Variants in PSEN2 observed in about 807,000 individuals in gnomAD.
PSEN2 encodes the protein presenilin 2.
PSEN2 carries 32 observed loss-of-function variants against 49.1 expected under a neutral mutation model. That is an observed-to-expected ratio of 0.65 (90% confidence interval 0.49 to 0.88). PSEN2 has a LOEUF of 0.88. Ranked by LOEUF, PSEN2 falls within the 40% of genes least tolerant of loss-of-function variation. The pLI, the probability that PSEN2 is intolerant of heterozygous loss-of-function variation, is 0.00. For synonymous variants in PSEN2, 255 were observed against 244.0 expected (o/e 1.05, Z -0.42); for missense variants, 522 against 586.9 (o/e 0.89, Z 1.14).
chr1:226,875,761 G>A (rs776202837), intron 3 of PSEN2, among the ~76,000 whole-genome samples: 1 of 152,174 alleles, frequency 6.6e-6, no homozygotes, highest in African/African-American at 2.4e-5. Context: ...TTTCCATAAT[G>A]ATTGCAGGAA....
chr1:226,883,489 A>G (rs925882998), intron 4 of PSEN2, among the ~76,000 whole-genome samples: 5 of 152,180 alleles, frequency 3.3e-5, no homozygotes, highest in African/African-American at 7.2e-5. Flanking sequence ...GACCATAGCA[A>G]CCTTCCTTCC....
intron 3 of PSEN2, among the ~76,000 whole-genome samples, chr1:226,880,247 T>C (rs778219488): frequency 6.6e-6 from 1 of 152,110 alleles, no homozygotes; most frequent in Non-Finnish European, 1.5e-5. Flanking sequence ...TATGGTGGCG[T>C]GCATCTGCAG....
Position 226,891,825 on chromosome 1 carries a change from G to A in PSEN2, c.1053G>A (p.Glu351=). Residue 351 remains glutamate (E), a synonymous_variant, in exon 11 of 13, where the codon GAG becomes GAA. Coordinates refer to ENST00000366783, the MANE Select transcript of PSEN2 (RefSeq NM_000447.3). ...CCTTGACTGGCTACCCAGGGGAGGA[G>A]CTGGAGGAAGAGGAGGAAAGTAAGG... ...EPPLTGYPGE[E]LEEEEERGVK... is the part of the protein sequence containing the mutation. 1 of 1,614,120 alleles carries A rather than the reference G, an allele frequency of 6.2e-7. No homozygotes were observed. The highest frequency in any genetic ancestry group is 8.5e-7 in the Non-Finnish European group (1 of 1,179,972).
At chr1:226,877,920 C>CACCA (rs1660736120) in intron 3 of PSEN2, among the ~76,000 whole-genome samples, 1 of 152,156 alleles carries the variant, frequency 6.6e-6, no homozygotes, top group East Asian at 1.9e-4. Context: ...CGACAGTGGT[C>CACCA]ACCAGGTCAC....
chr1:226,891,316 C>T lies in PSEN2; in HGVS notation c.925C>T (p.Pro309Ser). ...GACGGTTGGCATGGCGAAGCTGGAC[C>T]CCTCCTCTCAGGGTGCCCTCCAGCT... The part of the protein sequence containing the change: ...VWTVGMAKLD[P>S]SSQGALQLPY... Residue 309 changes from proline to serine, a missense_variant, in exon 10 of 13, where the codon CCC becomes TCC. Pro to Ser is a moderately conservative substitution (Grantham distance 74, BLOSUM62 -1). Coordinates refer to ENST00000366783, the MANE Select transcript of PSEN2 (RefSeq NM_000447.3). 1.2e-6 allele frequency: 2 copies of T among 1,613,962 alleles called. No individual in the cohort carries two copies. Among genetic ancestry groups the T allele is most frequent in the Non-Finnish European group, 1.7e-6 (2 of 1,179,990 alleles).
At chr1:226,878,441 C>A (rs1420605509) in intron 3 of PSEN2, among the ~76,000 whole-genome samples, 2 of 152,140 alleles carry the variant, frequency 1.3e-5, no homozygotes, top group Non-Finnish European at 2.9e-5. Context: ...TCCTGGGTCC[C>A]CTGCTTCTCC....
intron 6 of PSEN2, 80 bp downstream of exon 6, chr1:226,885,759 G>T: frequency 6.4e-7 from 1 of 1,567,182 alleles, no homozygotes; most frequent in Non-Finnish European, 8.7e-7. Flanking sequence ...TGAAACAGCC[G>T]CCTTTAGAAA....
chr1:226,885,734 T>C (rs766702020), intron 6 of PSEN2, 55 bp downstream of exon 6: 49 of 1,596,824 alleles, frequency 3.1e-5, no homozygotes, highest in Non-Finnish European at 4.0e-5. Flanking sequence ...CCCCACACCA[T>C]GGCGGCAGGG....
chr1:226,881,911 C>G lies in PSEN2; in HGVS notation c.4C>G (p.Leu2Val), dbSNP rs199739625. M[L>V]TFMASDSEEE... is the part of the protein sequence containing the mutation. ...AGGTGCTTCCAGAGGCAGGGCTATG[C>G]TCACATTCATGGCCTCTGACAGCGA... is the stretch of plus-strand genomic sequence containing the variant. Residue 2 changes from leucine to valine, a missense_variant, in exon 4 of 13, where the codon CTC becomes GTC. Transcript: ENST00000366783. 6 of 1,614,236 alleles carry G rather than the reference C, an allele frequency of 3.7e-6. No homozygotes were observed. In the African/African-American group the frequency reaches 5.3e-5, roughly 14 times the overall value.
chr1:226,877,451 C>T (rs1016217735), intron 3 of PSEN2, among the ~76,000 whole-genome samples: 2 of 152,234 alleles, frequency 1.3e-5, no homozygotes, highest in African/African-American at 4.8e-5. Flanking sequence ...GCTGGTCCAT[C>T]TCCACCAGCC....
At chr1:226,887,765 C>T (rs1342822500) in intron 6 of PSEN2, among the ~76,000 whole-genome samples, 1 of 152,164 alleles carries the variant, frequency 6.6e-6, no homozygotes, top group Non-Finnish European at 1.5e-5. Flanking sequence ...AGCCTTGGTT[C>T]CAGAGCCTAG....
chr1:226,891,199 A>G, intron 9 of PSEN2, 79 bp from the exon 10 acceptor site: 1 of 1,279,124 alleles, frequency 7.8e-7, no homozygotes, highest in Non-Finnish European at 1.1e-6. Context: ...TCTGGGACGC[A>G]GACTGGCCAC....
intron 3 of PSEN2, chr1:226,880,459 C>T: frequency 7.1e-7 from 1 of 1,413,722 alleles, no homozygotes; most frequent in Non-Finnish European, 9.4e-7. Context: ...CACCTGCTAT[C>T]CCTGCCCAGG....
At chr1:226,895,261 C>T (rs1353503380) in intron 12 of PSEN2, among the ~76,000 whole-genome samples, 163 bp from the exon 13 acceptor site, 2 of 152,190 alleles carry the variant, frequency 1.3e-5, no homozygotes, top group African/African-American at 2.4e-5. Context: ...CTGCCCTTAA[C>T]ACCTCAAGAG....
chr1:226,874,483 T>C lies in PSEN2; in HGVS notation c.-206-882T>C, dbSNP rs574590764. Among the ~76,000 whole-genome samples, 5 of 152,326 alleles carry C rather than the reference T, an allele frequency of 3.3e-5. No homozygotes were observed. The East Asian group carries it at 9.6e-4, about 29-fold the overall frequency. ...GGATATGTCCTTTCATTTGATAATA[T>C]GTTTACGTGGCCATAGTGCCTGGGG... is the stretch of plus-strand genomic sequence containing the variant. On this transcript the variant is annotated intron_variant, in intron 2 of 12. Transcript: ENST00000366783.
intron 3 of PSEN2, among the ~76,000 whole-genome samples, chr1:226,881,430 T>C (rs1396139628): frequency 1.3e-5 from 2 of 152,242 alleles, no homozygotes; most frequent in Non-Finnish European, 2.9e-5. Flanking sequence ...GGTTCCACTT[T>C]TGTGCTTCTG....
chr1:226,891,912 C>G (rs1661783595), intron 11 of PSEN2, 68 bp downstream of exon 11: 1 of 1,417,580 alleles, frequency 7.1e-7, no homozygotes, highest in Admixed American at 1.7e-5. Context: ...GGTGGAGGCT[C>G]CCTGCAGCCT....
intron 6 of PSEN2, among the ~76,000 whole-genome samples, chr1:226,887,095 G>A (rs370808347): frequency 2.6e-5 from 4 of 152,170 alleles, no homozygotes; most frequent in South Asian, 2.1e-4. Flanking sequence ...TAGAAATTGC[G>A]TGGCAGATGT....
At chr1:226,897,434 C>T (rs917024561), downstream of PSEN2, 8 of 154,270 alleles carry the variant, frequency 5.2e-5, no homozygotes, top group African/African-American at 1.9e-4. Context: ...ATGAAGGGGC[C>T]TGGTGATGGT....
Sources: gnomAD v4.1 joint callset for allele counts (sites outside exome capture counted in the v4.1 genomes callset) on GRCh38, gnomAD v4.1.1 for gene constraint, MANE v1.5 for transcripts, NCBI Gene and HGNC (gene_info 2026-07-23, HGNC 2026-07-21) for gene names.